DYNC1LI1: variants seen among roughly 807,000 people sequenced by gnomAD.
DYNC1LI1 encodes the protein cytoplasmic dynein 1 light intermediate chain 1.
A neutral mutation model predicts 63.8 loss-of-function variants in DYNC1LI1; 19 were observed. That is an observed-to-expected ratio of 0.30 (90% CI 0.21 to 0.44). The LOEUF (loss-of-function observed/expected upper bound fraction) is 0.44. DYNC1LI1 is among the 20% of genes least tolerant of loss of function. The pLI, the probability that DYNC1LI1 is intolerant of heterozygous loss-of-function variation, is 1.00. For missense variants in DYNC1LI1, 565 were observed against 630.2 expected, an observed-to-expected ratio of 0.90 and a Z score of 1.11; for synonymous variants, 225 against 232.3, an observed-to-expected ratio of 0.97 and a Z score of 0.28.
At chr3:32,568,782 A>G (rs561101652) in intron 2 of DYNC1LI1, among the ~76,000 whole-genome samples, 2 of 152,358 alleles carry the variant, frequency 1.3e-5, no homozygotes, top group Non-Finnish European at 1.5e-5. Context: ...TACCTTTACC[A>G]TGACAGTGTT....
intron 4 of DYNC1LI1, among the ~76,000 whole-genome samples, chr3:32,544,578 G>A (rs1407414728): frequency 6.6e-6 from 1 of 152,040 alleles, no homozygotes; most frequent in Non-Finnish European, 1.5e-5. Context: ...GACCAGCCTG[G>A]CCAATATGGT....
intron 2 of DYNC1LI1, among the ~76,000 whole-genome samples, chr3:32,567,125 G>A (rs1195500059): frequency 6.6e-6 from 1 of 152,184 alleles, no homozygotes; most frequent in Non-Finnish European, 1.5e-5. Flanking sequence ...AAAGAGTTTT[G>A]TACCTGGCAC....
intron 2 of DYNC1LI1, among the ~76,000 whole-genome samples, chr3:32,558,984 C>T (rs751145623): frequency 4.6e-5 from 7 of 151,896 alleles, no homozygotes; most frequent in South Asian, 2.1e-4. Context: ...ACTTCTAAAT[C>T]GAGGAGAGTA....
intron 6 of DYNC1LI1, among the ~76,000 whole-genome samples, 186 bp from the exon 7 acceptor site, chr3:32,534,832 T>C (rs1697753371): frequency 6.6e-6 from 1 of 152,188 alleles, no homozygotes; most frequent in Non-Finnish European, 1.5e-5. Context: ...CTACAATTAA[T>C]AAAAGAATTT....
At chr3:32,545,515 T>C (rs757592637) in intron 3 of DYNC1LI1, 19 of 333,358 alleles carry the variant, frequency 5.7e-5, no homozygotes, top group South Asian at 2.0e-4. Flanking sequence ...AAAAGCTGAG[T>C]AGATAATATT....
intron 6 of DYNC1LI1, among the ~76,000 whole-genome samples, chr3:32,535,384 C>A (rs1052992212): frequency 6.6e-6 from 1 of 152,190 alleles, no homozygotes; most frequent in Non-Finnish European, 1.5e-5. Flanking sequence ...CTATGACCAT[C>A]CACATTCTAG....
Position 32,528,443 on chromosome 3 carries a change from T to C in DYNC1LI1, c.1462+3A>G, listed in dbSNP as rs1234804680. 3.1e-6 allele frequency: 5 copies of C among 1,614,106 alleles called. No homozygotes were observed. The highest frequency in any genetic ancestry group is 3.4e-6 in the Non-Finnish European group (4 of 1,179,992). ...ACAAGTGACTTGCTTCCCATAAGCA[T>C]ACCTGACTTTTTGGTGGATGGTGGT... On this transcript the variant is annotated splice_donor_region_variant and intron_variant, in intron 12 of 12. Coordinates refer to ENST00000273130, the MANE Select transcript of DYNC1LI1 (RefSeq NM_016141.4).
chr3:32,563,329 C>G (rs1308346394), intron 2 of DYNC1LI1, among the ~76,000 whole-genome samples: 2 of 138,952 alleles, frequency 1.4e-5, no homozygotes, highest in Non-Finnish European at 3.0e-5. Context: ...CTTGCTTGGT[C>G]ACCCAGGCTG....
At chr3:32,533,241 C>T (rs576277803) in intron 7 of DYNC1LI1, 144 bp from the exon 8 acceptor site, 13 of 1,303,284 alleles carry the variant, frequency 1.0e-5, no homozygotes, top group Middle Eastern at 2.8e-4. Context: ...ATGATGTCCA[C>T]GTTTTACTAA....
chr3:32,567,623 C>T (rs1698285381), intron 2 of DYNC1LI1, among the ~76,000 whole-genome samples: 1 of 151,530 alleles, frequency 6.6e-6, no homozygotes. Flanking sequence ...ACTGCAACTT[C>T]TGCCTCCAGG....
chr3:32,537,269 T>C (rs911219925), intron 5 of DYNC1LI1, 165 bp from the exon 6 acceptor site: 4 of 394,490 alleles, frequency 1.0e-5, no homozygotes, highest in African/African-American at 6.3e-5. Flanking sequence ...GAACTTTTAG[T>C]TGGAGGGACT....
chr3:32,528,920 C>T (rs1233863759), intron 11 of DYNC1LI1, among the ~76,000 whole-genome samples: 3 of 152,044 alleles, frequency 2.0e-5, no homozygotes, highest in African/African-American at 7.2e-5. Context: ...GAAACTGCCT[C>T]AAGTATTAGG....
At chr3:32,530,387 T>C (rs548434410) in intron 9 of DYNC1LI1, 59 bp from the exon 10 acceptor site, 135 of 1,603,710 alleles carry the variant, frequency 8.4e-5, no homozygotes, top group Middle Eastern at 8.3e-4. Flanking sequence ...TACTGGTGTA[T>C]TTTTAAAGAA....
intron 2 of DYNC1LI1, among the ~76,000 whole-genome samples, chr3:32,558,527 G>A (rs1698146908): frequency 6.6e-6 from 1 of 151,600 alleles, no homozygotes; most frequent in Admixed American, 6.6e-5. Context: ...ACAATAGAAT[G>A]TAATCTCCAT....
At chr3:32,546,038 G>A in intron 2 of DYNC1LI1, 73 bp from the exon 3 acceptor site, 1 of 1,030,244 alleles carries the variant, frequency 9.7e-7, no homozygotes, top group Admixed American at 2.5e-5. Flanking sequence ...CTAGTACCAA[G>A]TGAAAAACCC....
intron 7 of DYNC1LI1, among the ~76,000 whole-genome samples, chr3:32,533,633 A>G (rs1697733992): frequency 6.8e-6 from 1 of 147,646 alleles, no homozygotes; most frequent in Non-Finnish European, 1.5e-5. Context: ...TGGCTCAACC[A>G]TGGCTCACTG....
At chr3:32,529,263 A>G (rs1281867839) in intron 11 of DYNC1LI1, among the ~76,000 whole-genome samples, 1 of 152,202 alleles carries the variant, frequency 6.6e-6, no homozygotes, top group African/African-American at 2.4e-5. Context: ...TGTTAATTGC[A>G]GATTACTTAT....
intron 2 of DYNC1LI1, among the ~76,000 whole-genome samples, chr3:32,549,268 ACTATAAGCCAAAAAAAATAAGTATAT>A (rs779928585): frequency 1.3e-3 from 191 of 151,124 alleles, no homozygotes; most frequent in Non-Finnish European, 2.0e-3. Context: ...TTATTTGGGA[ACTATAAGCCAAAAAAAATAAGTATAT>A]CTAGTTGCCT....
chr3:32,543,628 G>C (rs1697912567), intron 4 of DYNC1LI1, among the ~76,000 whole-genome samples: 1 of 148,806 alleles, frequency 6.7e-6, no homozygotes, highest in African/African-American at 2.5e-5. Context: ...GGCTGGTCTT[G>C]AACTCCTAAC....
Sources: allele counts gnomAD v4.1 joint callset (sites outside exome capture counted in the v4.1 genomes callset), GRCh38; gene constraint gnomAD v4.1.1; transcripts MANE v1.5; gene names NCBI Gene and HGNC (gene_info 2026-07-23, HGNC 2026-07-21).